The following GALNT17 variants were observed in gnomAD, a reference collection of about 807,000 sequenced individuals.
GALNT17 encodes polypeptide N-acetylgalactosaminyltransferase 17, also known as UDP-GalNAc:polypeptide N-acetylgalactosaminyltransferase-like 3.
GALNT17 carries 29 observed loss-of-function variants against 63.7 expected under a neutral mutation model. The ratio of observed to expected loss-of-function variants is 0.46; its 90% CI spans 0.34 to 0.62. The LOEUF (loss-of-function observed/expected upper bound fraction) is 0.62, where lower values mean the gene tolerates loss of function less well. GALNT17 is among the 20% of genes least tolerant of loss of function. The pLI, the probability that GALNT17 is intolerant of heterozygous loss-of-function variation, is 0.01. For synonymous variants in GALNT17, 305 were observed against 318.3 expected, an observed-to-expected ratio of 0.96 and a Z score of 0.45; for missense variants, 603 against 799.6, an observed-to-expected ratio of 0.75 and a Z score of 2.97.
intron 2 of GALNT17, among the ~76,000 whole-genome samples, chr7:71,363,272 G>T (rs1792440467): frequency 6.6e-6 from 1 of 152,068 alleles, no homozygotes; most frequent in South Asian, 2.1e-4. Flanking sequence ...TGGCCACTTT[G>T]TTCCATTTCT....
chr7:71,214,661 T>A (rs1049636050), intron 1 of GALNT17, among the ~76,000 whole-genome samples: 3 of 149,740 alleles, frequency 2.0e-5, no homozygotes, highest in Non-Finnish European at 4.4e-5. Context: ...CACTGCAACC[T>A]CCGCCTCCTG....
chr7:71,240,942 G>A (rs879430048), intron 1 of GALNT17, among the ~76,000 whole-genome samples: 2 of 152,142 alleles, frequency 1.3e-5, no homozygotes, highest in Non-Finnish European at 1.5e-5. Flanking sequence ...GGGATTACAG[G>A]TGTGAGCCAC....
At chr7:71,175,202 C>CTCCA (rs1029115834) in intron 1 of GALNT17, among the ~76,000 whole-genome samples, 1 of 151,826 alleles carries the variant, frequency 6.6e-6, no homozygotes, top group Non-Finnish European at 1.5e-5. Context: ...CTATCTATCC[C>CTCCA]TCCATCCATC....
intron 1 of GALNT17, among the ~76,000 whole-genome samples, chr7:71,138,254 T>A (rs1167394445): frequency 6.6e-6 from 1 of 152,030 alleles, no homozygotes; most frequent in African/African-American, 2.4e-5. Flanking sequence ...GGGAGGATGT[T>A]TTGAGCCTAG....
chr7:71,407,703 C>T (rs994576280), intron 3 of GALNT17, among the ~76,000 whole-genome samples: 1 of 152,166 alleles, frequency 6.6e-6, no homozygotes, highest in Non-Finnish European at 1.5e-5. Flanking sequence ...AGCTATGATC[C>T]GGCCACTGCT....
intron 5 of GALNT17, among the ~76,000 whole-genome samples, chr7:71,516,895 C>T (rs75999750): frequency 0.047 from 7,161 of 152,204 alleles, 327 homozygotes; most frequent in African/African-American, 0.12. Flanking sequence ...TTACAGCCTC[C>T]CAGGGTCATG....
chr7:71,459,940 C>T (rs1046007211), intron 5 of GALNT17, among the ~76,000 whole-genome samples: 1 of 152,184 alleles, frequency 6.6e-6, no homozygotes, highest in African/African-American at 2.4e-5. Flanking sequence ...ACACACTCAA[C>T]CAGTTGTCAA....
chr7:71,565,672 G>A (rs747059271), intron 5 of GALNT17, among the ~76,000 whole-genome samples: 1 of 151,988 alleles, frequency 6.6e-6, no homozygotes, highest in African/African-American at 2.4e-5. Context: ...GAAATGACAG[G>A]CATAACTTCT....
intron 5 of GALNT17, among the ~76,000 whole-genome samples, chr7:71,445,108 C>T (rs1055636305): frequency 6.6e-6 from 1 of 151,724 alleles, no homozygotes; most frequent in Admixed American, 6.6e-5. Flanking sequence ...CATGCCATCA[C>T]CCAGTCACAT....
At chr7:71,685,209 G>A (rs1324603190) in intron 9 of GALNT17, among the ~76,000 whole-genome samples, 1 of 152,076 alleles carries the variant, frequency 6.6e-6, no homozygotes, top group Non-Finnish European at 1.5e-5. Context: ...TGCAGAGGCT[G>A]GAATCACGAG....
chr7:71,420,242 G>A (rs997370252), intron 4 of GALNT17, among the ~76,000 whole-genome samples: 4 of 152,192 alleles, frequency 2.6e-5, no homozygotes, highest in African/African-American at 9.6e-5. Flanking sequence ...ATTACCTGCT[G>A]CAGCCTCGAG....
At chr7:71,144,626 G>A (rs1240717105) in intron 1 of GALNT17, among the ~76,000 whole-genome samples, 3 of 152,112 alleles carry the variant, frequency 2.0e-5, no homozygotes, top group African/African-American at 7.2e-5. Flanking sequence ...CAGTTACACC[G>A]AGACAGTAGG....
In GALNT17 at chr7:71,270,450, G is replaced by A. The variant is rs745718588; in HGVS notation, c.239-65100G>A. 2.3e-4 allele frequency among the ~76,000 whole-genome samples: 34 copies of A among 150,106 alleles called. No individual in the cohort carries two copies. In the Middle Eastern group the frequency reaches 0.01, roughly 46 times the overall value. On this transcript the variant is annotated intron_variant, in intron 1 of 10. Transcript: ENST00000333538. ...TGAGGCAGGAGAATCATTTGAACCC[G>A]GGAGGCAAAGGTTGCAGTGAGCCGA... is the stretch of plus-strand genomic sequence containing the variant.
At chr7:71,160,574 T>G (rs961689741) in intron 1 of GALNT17, among the ~76,000 whole-genome samples, 1 of 152,278 alleles carries the variant, frequency 6.6e-6, no homozygotes, top group South Asian at 2.1e-4. Flanking sequence ...TTGTCCTGCC[T>G]CAGCCTCCCA....
chr7:71,689,806 A>T (rs1321847576), intron 9 of GALNT17, among the ~76,000 whole-genome samples: 1 of 152,224 alleles, frequency 6.6e-6, no homozygotes, highest in Admixed American at 6.5e-5. Flanking sequence ...GGAGAAGTCC[A>T]TGCCTGGCTT....
intron 1 of GALNT17, among the ~76,000 whole-genome samples, chr7:71,180,201 G>A (rs1453474549): frequency 6.6e-6 from 1 of 151,856 alleles, no homozygotes; most frequent in East Asian, 1.9e-4. Context: ...TCTCAGCTCA[G>A]TGCAACCTCT....
intron 7 of GALNT17, among the ~76,000 whole-genome samples, chr7:71,668,918 C>A (rs1323297347): frequency 6.6e-6 from 1 of 152,028 alleles, no homozygotes; most frequent in Non-Finnish European, 1.5e-5. Flanking sequence ...TCGCAAAGAG[C>A]CAACAAAAGG....
Position 71,571,334 on chromosome 7 carries a change from G to A in GALNT17, c.1012G>A (p.Gly338Ser), listed in dbSNP as rs761569221. Residue 338 changes from glycine to serine, a missense_variant, in exon 6 of 11, where the codon GGT becomes AGT. Physicochemically the swap from Gly to Ser is moderately conservative, Grantham distance 56. This residue lies in a region of GALNT17 where 336 missense variants were observed against 507.8 expected (regional missense o/e 0.66). Transcript: ENST00000333538. The stretch of plus-strand genomic sequence containing the variant: ...GTTCGTGGTCAACAGGAAGTTCTTC[G>A]GTGAAATTGGTCTTCTGGATCCTGG... Reference protein sequence around the residue: ...CSFVVNRKFFGEIGLLDPGMD... With the variant: ...CSFVVNRKFFSEIGLLDPGMD... 21 of 1,613,954 alleles carry A rather than the reference G, an allele frequency of 1.3e-5. No homozygotes were observed. Among genetic ancestry groups the A allele is most frequent in the Admixed American group, 3.3e-5 (2 of 59,996 alleles).
At chr7:71,190,090 C>T (rs958179962) in intron 1 of GALNT17, among the ~76,000 whole-genome samples, 3 of 152,180 alleles carry the variant, frequency 2.0e-5, no homozygotes, top group African/African-American at 7.2e-5. Context: ...GGATTACAGG[C>T]ATGAGCCATA....
Sources: allele counts gnomAD v4.1 joint callset (sites outside exome capture counted in the v4.1 genomes callset), GRCh38; gene constraint gnomAD v4.1.1; regional missense constraint gnomAD v4.1.1; transcripts MANE v1.5; gene names NCBI Gene and HGNC (gene_info 2026-07-23, HGNC 2026-07-21).